The following ZC3H12B variants were observed in gnomAD, a reference collection of about 807,000 sequenced individuals.
The protein encoded by ZC3H12B is probable ribonuclease ZC3H12B.
ZC3H12B carries 7 observed loss-of-function variants against 43.9 expected under a neutral mutation model. The ratio of observed to expected loss-of-function variants is 0.16; its 90% CI spans 0.09 to 0.30. The LOEUF is 0.30. Ranked by LOEUF, ZC3H12B falls within the 10% of genes least tolerant of loss-of-function variation. The pLI is 1.00. For missense variants in ZC3H12B, 475 were observed against 670.2 expected, an observed-to-expected ratio of 0.71 and a Z score of 3.22; for synonymous variants, 222 against 241.7, an observed-to-expected ratio of 0.92 and a Z score of 0.76.
intron 3 of ZC3H12B, among the ~76,000 whole-genome samples, chrX:65,461,317 T>TA (rs199543973): frequency 0.011 from 1,271 of 112,200 alleles, 23 homozygotes; most frequent in African/African-American, 0.04. Flanking sequence ...GATCTTGAAC[T>TA]AGAAATAGCA....
the ZC3H12B span, among the ~76,000 whole-genome samples, chrX:65,215,392 G>A: frequency 9.0e-6 from 1 of 111,417 alleles, no homozygotes; most frequent in Non-Finnish European, 1.9e-5. Flanking sequence ...TGGGAAACTT[G>A]CAGCTTCTCC....
At chrX:65,086,312 T>G in the ZC3H12B span, among the ~76,000 whole-genome samples, 1 of 111,824 alleles carries the variant, frequency 8.9e-6, no homozygotes, top group African/African-American at 3.2e-5. Flanking sequence ...ATAAGAAACC[T>G]GACTTCTATT....
chrX:65,405,318 G>C (rs767498906), intron 3 of ZC3H12B, among the ~76,000 whole-genome samples: 2 of 112,671 alleles, frequency 1.8e-5, no homozygotes, highest in South Asian at 7.2e-4. Flanking sequence ...CCTAAAATTA[G>C]TAGGAGAAAA....
intron 3 of ZC3H12B, among the ~76,000 whole-genome samples, chrX:65,419,335 G>A (rs1437387627): frequency 9.0e-6 from 1 of 111,639 alleles, no homozygotes; most frequent in Non-Finnish European, 1.9e-5. Context: ...AAAGATGCAG[G>A]GGTGGTGATT....
the ZC3H12B span, among the ~76,000 whole-genome samples, chrX:65,192,805 T>TAGA: frequency 9.0e-6 from 1 of 111,201 alleles, no homozygotes. Context: ...GATAGATAGA[T>TAGA]TGTTTTTGAG....
the ZC3H12B span, among the ~76,000 whole-genome samples, chrX:65,296,306 T>A: frequency 9.0e-6 from 1 of 110,785 alleles, no homozygotes; most frequent in Non-Finnish European, 1.9e-5. Context: ...AACTAAGCTA[T>A]GAGGAAGCAA....
the ZC3H12B span, among the ~76,000 whole-genome samples, chrX:65,234,638 A>T: frequency 1.8e-5 from 2 of 112,628 alleles, no homozygotes; most frequent in Non-Finnish European, 3.8e-5. Flanking sequence ...AGAATAATAA[A>T]AAAAGAAGTC....
chrX:65,091,826 TG>T, the ZC3H12B span, among the ~76,000 whole-genome samples: 1 of 112,352 alleles, frequency 8.9e-6, no homozygotes, highest in Non-Finnish European at 1.9e-5. Context: ...TGTTCAATTT[TG>T]CTATGAACCT....
chrX:65,212,142 A>T, the ZC3H12B span, among the ~76,000 whole-genome samples: 1 of 55,177 alleles, frequency 1.8e-5, no homozygotes, highest in Non-Finnish European at 2.9e-5. Flanking sequence ...TATATATTAT[A>T]TTAACATTAT....
chrX:65,282,988 C>T, the ZC3H12B span, among the ~76,000 whole-genome samples: 1 of 111,602 alleles, frequency 9.0e-6, no homozygotes, highest in Non-Finnish European at 1.9e-5. Context: ...CCAGCATCAT[C>T]CTGATACCAA....
chrX:65,170,040 G>A, the ZC3H12B span, among the ~76,000 whole-genome samples: 1 of 111,804 alleles, frequency 8.9e-6, no homozygotes, highest in African/African-American at 3.2e-5. Flanking sequence ...TACATGTAAG[G>A]TTAATATTGT....
At chrX:65,218,864 C>G in the ZC3H12B span, among the ~76,000 whole-genome samples, 1 of 112,048 alleles carries the variant, frequency 8.9e-6, no homozygotes, top group African/African-American at 3.2e-5. Context: ...AGACAACCAA[C>G]ACAAAAACAG....
chrX:65,189,246 G>A, the ZC3H12B span, among the ~76,000 whole-genome samples: 2,813 of 101,147 alleles, frequency 0.028, 137 homozygotes, highest in African/African-American at 0.1. Context: ...GAATAATGCC[G>A]CAATAAACAT....
chrX:65,450,193 T>A (rs1327346640), intron 3 of ZC3H12B, among the ~76,000 whole-genome samples: 1 of 103,485 alleles, frequency 9.7e-6, no homozygotes, highest in African/African-American at 3.5e-5. Context: ...TAATCCCAGC[T>A]ACTTGGGAGG....
At chrX:65,361,611 T>C in the ZC3H12B span, among the ~76,000 whole-genome samples, 1 of 111,417 alleles carries the variant, frequency 9.0e-6, no homozygotes, top group East Asian at 2.8e-4. Flanking sequence ...AGACTCTTTT[T>C]CATCAAATAT....
chrX:65,066,854 A>G, the ZC3H12B span, among the ~76,000 whole-genome samples: 1 of 111,847 alleles, frequency 8.9e-6, no homozygotes, highest in Non-Finnish European at 1.9e-5. Flanking sequence ...GTAGGAATCT[A>G]GAGAGGCAGT....
the ZC3H12B span, among the ~76,000 whole-genome samples, chrX:65,107,151 T>G: frequency 9.0e-6 from 1 of 111,570 alleles, no homozygotes; most frequent in Non-Finnish European, 1.9e-5. Flanking sequence ...GGTGGTCAGA[T>G]TAGGAAGGAC....
the ZC3H12B span, among the ~76,000 whole-genome samples, chrX:65,243,353 GTA>G: frequency 8.9e-6 from 1 of 112,009 alleles, no homozygotes; most frequent in African/African-American, 3.2e-5. Flanking sequence ...TGACCAAGAA[GTA>G]TATGAAAAAT....
At chrX:65,053,362 GT>G in the ZC3H12B span, among the ~76,000 whole-genome samples, 1 of 110,073 alleles carries the variant, frequency 9.1e-6, no homozygotes, top group African/African-American at 3.3e-5. Flanking sequence ...GCGGTGTTTG[GT>G]TTTTTTTCCT....
Sources: gnomAD v4.1 joint callset for allele counts (sites outside exome capture counted in the v4.1 genomes callset) on GRCh38, gnomAD v4.1.1 for gene constraint, MANE v1.5 for transcripts, NCBI Gene and HGNC (gene_info 2026-07-23, HGNC 2026-07-21) for gene names.